Variants in TENM3 observed in about 807,000 individuals in gnomAD.
The protein encoded by TENM3 is teneurin-3.
TENM3 carries 63 observed loss-of-function variants against 255.1 expected under a neutral mutation model. The ratio of observed to expected loss-of-function variants is 0.25; its 90% confidence interval spans 0.20 to 0.30. The LOEUF (loss-of-function observed/expected upper bound fraction) is 0.30, where lower values mean the gene tolerates loss of function less well. Among genes scored for constraint, TENM3 ranks in the 10% least tolerant of loss-of-function variants. The pLI, the probability that TENM3 is intolerant of heterozygous loss-of-function variation, is 1.00. For missense variants in TENM3, 2,929 were observed against 3,461.1 expected (o/e 0.85, Z 3.86); for synonymous variants, 1,306 against 1,322.3 (o/e 0.99, Z 0.27).
the TENM3 span, among the ~76,000 whole-genome samples, chr4:181,560,149 A>G: frequency 6.6e-6 from 1 of 152,220 alleles, no homozygotes; most frequent in Non-Finnish European, 1.5e-5. Context: ...TTTAGGCACT[A>G]GCAGACTCAG....
chr4:182,396,935 C>G (rs1189052582), intron 3 of TENM3, among the ~76,000 whole-genome samples: 1 of 151,650 alleles, frequency 6.6e-6, no homozygotes, highest in Admixed American at 6.6e-5. Context: ...GCCCTCCAAC[C>G]TAGGTGACAG....
the TENM3 span, among the ~76,000 whole-genome samples, chr4:181,509,238 T>C: frequency 6.6e-6 from 1 of 152,126 alleles, no homozygotes; most frequent in Admixed American, 6.5e-5. Context: ...AATTGGGCAA[T>C]AAACTTGTTT....
At chr4:181,913,438 C>A in the TENM3 span, among the ~76,000 whole-genome samples, 1 of 152,092 alleles carries the variant, frequency 6.6e-6, no homozygotes, top group Non-Finnish European at 1.5e-5. Context: ...GAGAGCACAC[C>A]GGACAAGGGA....
intron 5 of TENM3, chr4:182,631,816 C>T (rs1006004890): frequency 4.6e-5 from 7 of 151,996 alleles, no homozygotes; most frequent in Non-Finnish European, 7.4e-5. Context: ...ATTATTTCTT[C>T]GAATATTTTT....
At chr4:181,544,348 T>G in the TENM3 span, among the ~76,000 whole-genome samples, 1 of 141,810 alleles carries the variant, frequency 7.1e-6, no homozygotes, top group Admixed American at 8.3e-5. Flanking sequence ...TTTTACTTAA[T>G]ATTTTAAAAT....
intron 13 of TENM3, among the ~76,000 whole-genome samples, chr4:182,719,286 G>A (rs577031722): frequency 6.9e-4 from 79 of 115,138 alleles, no homozygotes; most frequent in Middle Eastern, 8.1e-3. Flanking sequence ...TTTTGAGACG[G>A]AGTCTCGCTC....
intron 11 of TENM3, among the ~76,000 whole-genome samples, chr4:182,686,998 A>G (rs1756629362): frequency 6.6e-6 from 1 of 152,148 alleles, no homozygotes; most frequent in South Asian, 2.1e-4. Flanking sequence ...GTTTATAAAA[A>G]ATATTACAAC....
At chr4:182,605,292 A>ACG (rs1258618531) in intron 4 of TENM3, among the ~76,000 whole-genome samples, 1 of 152,186 alleles carries the variant, frequency 6.6e-6, no homozygotes. Context: ...AGGTTGACTG[A>ACG]CTGATGCTGA....
At chr4:182,135,523 G>C in the TENM3 span, among the ~76,000 whole-genome samples, 1 of 152,198 alleles carries the variant, frequency 6.6e-6, no homozygotes, top group East Asian at 1.9e-4. Context: ...ATACAGACTT[G>C]AAGTGAAAGT....
chr4:181,879,254 T>C, the TENM3 span, among the ~76,000 whole-genome samples: 1 of 151,114 alleles, frequency 6.6e-6, no homozygotes, highest in South Asian at 2.1e-4. Context: ...TTTTGAGAAA[T>C]CATTACAGGC....
chr4:182,072,460 G>A, the TENM3 span, among the ~76,000 whole-genome samples: 1 of 152,082 alleles, frequency 6.6e-6, no homozygotes, highest in Non-Finnish European at 1.5e-5. Context: ...GCAGTGAACA[G>A]CAGCTCTCTA....
chr4:182,095,100 C>T, the TENM3 span, among the ~76,000 whole-genome samples: 2 of 152,078 alleles, frequency 1.3e-5, no homozygotes, highest in African/African-American at 2.4e-5. Context: ...TGTACAGCCA[C>T]GTGGAAAACA....
At chr4:181,906,736 T>C in the TENM3 span, among the ~76,000 whole-genome samples, 245 of 152,316 alleles carry the variant, frequency 1.6e-3, 2 homozygotes, top group African/African-American at 5.7e-3. Flanking sequence ...TGTTTAGAGA[T>C]GGGTCTTGCT....
chr4:182,395,484 T>A (rs1768743919), intron 3 of TENM3, among the ~76,000 whole-genome samples: 1 of 152,172 alleles, frequency 6.6e-6, no homozygotes, highest in Non-Finnish European at 1.5e-5. Flanking sequence ...TACTGTCTTA[T>A]AAGTCTAATT....
chr4:181,554,642 T>A, the TENM3 span, among the ~76,000 whole-genome samples: 2 of 152,224 alleles, frequency 1.3e-5, no homozygotes, highest in African/African-American at 2.4e-5. Flanking sequence ...TGGATGTTAT[T>A]AAATTCTTTA....
the TENM3 span, among the ~76,000 whole-genome samples, chr4:182,004,237 GC>G: frequency 1.3e-5 from 2 of 151,968 alleles, no homozygotes; most frequent in Admixed American, 6.6e-5. Context: ...CCCCCAACAA[GC>G]CCTGGTGTGT....
chr4:181,476,047 T>C, the TENM3 span, among the ~76,000 whole-genome samples: 8 of 152,094 alleles, frequency 5.3e-5, no homozygotes, highest in Non-Finnish European at 1.0e-4. Flanking sequence ...AACACCAAGG[T>C]TGAGAACTGT....
At chr4:181,523,699 T>G in the TENM3 span, among the ~76,000 whole-genome samples, 1 of 152,196 alleles carries the variant, frequency 6.6e-6, no homozygotes, top group African/African-American at 2.4e-5. Flanking sequence ...CAAATGTGTT[T>G]CCTTAAAGCA....
chr4:182,338,956 A>C (rs1764307882), intron 2 of TENM3, among the ~76,000 whole-genome samples: 2 of 152,182 alleles, frequency 1.3e-5, no homozygotes, highest in Non-Finnish European at 2.9e-5. Flanking sequence ...CTTCAAAAGA[A>C]ATATGACCAT....
Sources: gnomAD v4.1 joint callset for allele counts (sites outside exome capture counted in the v4.1 genomes callset) on GRCh38, gnomAD v4.1.1 for gene constraint, MANE v1.5 for transcripts, NCBI Gene and HGNC (gene_info 2026-07-23, HGNC 2026-07-21) for gene names.